Variants in WFIKKN2 observed in about 807,000 individuals in gnomAD.
The protein encoded by WFIKKN2 is WAP, Kazal, immunoglobulin, Kunitz and NTR domain-containing protein 2.
In WFIKKN2, 25 loss-of-function variants were observed where a neutral mutation model predicts 39.2. The observed-to-expected ratio is 0.64, with a 90% CI of 0.47 to 0.89. The LOEUF (loss-of-function observed/expected upper bound fraction) is 0.89. Ranked by LOEUF, WFIKKN2 falls within the 40% of genes least tolerant of loss-of-function variation. The pLI, the probability that WFIKKN2 is intolerant of heterozygous loss-of-function variation, is 0.00. For missense variants in WFIKKN2, 770 were observed against 811.7 expected (o/e 0.95, Z 0.62); for synonymous variants, 345 against 329.7 (o/e 1.05, Z -0.50).
At chr17:50,838,415 C>T (rs950694526) in intron 1 of WFIKKN2, among the ~76,000 whole-genome samples, 5 of 152,190 alleles carry the variant, frequency 3.3e-5, no homozygotes, top group Non-Finnish European at 5.9e-5. Context: ...GACAAGAGGC[C>T]AGCCCTAGTG....
chr17:50,840,816 C>T lies in WFIKKN2; in HGVS notation c.1528C>T (p.His510Tyr). Reference sequence around the variant, plus strand: ...GGAGCCATTGGAGGTCACTCTGCTTCACGTGGACTGGGCATGCCCCTGCCC... The same window carrying T: ...GGAGCCATTGGAGGTCACTCTGCTTTACGTGGACTGGGCATGCCCCTGCCC... ...GQEPLEVTLL[H>Y]VDWACPCPNV... The change falls in exon 2 of 2, where the codon CAC becomes TAC. Residue 510 changes from histidine (H) to tyrosine (Y), a missense_variant. Physicochemically the swap from His to Tyr is moderately conservative, Grantham distance 83 (BLOSUM62 2). Coordinates refer to ENST00000311378, the MANE Select transcript of WFIKKN2 (RefSeq NM_175575.6). The T allele has an allele frequency of 1.2e-6, 2 of 1,614,092 alleles. No homozygotes were observed. Among genetic ancestry groups the T allele is most frequent in the Non-Finnish European group, 1.7e-6 (2 of 1,180,012 alleles).
At chr17:50,835,570 T>G, upstream of WFIKKN2, 1 of 265,838 alleles carries the variant, frequency 3.8e-6, no homozygotes, top group Non-Finnish European at 7.0e-6. Flanking sequence ...AATAAGTCTG[T>G]GATCAGCCAC....
rs1310159656 is a variant in WFIKKN2, at chr17:50,840,689, C to T, written c.1401C>T (p.Gly467=). The change falls in exon 2 of 2, where the codon GGC becomes GGT. Residue 467 remains glycine, a synonymous_variant. Transcript: ENST00000311378. Reference sequence around the variant, plus strand: ...GTCGCAGCGACTTTGTCATCCTGGGCCGAGTCTCTGAGCTGACCGAGGAGC... The same window carrying T: ...GTCGCAGCGACTTTGTCATCCTGGGTCGAGTCTCTGAGCTGACCGAGGAGC... The part of the protein sequence containing the change: ...SFCRSDFVIL[G]RVSELTEEPD... 12 of 1,613,864 alleles carry T rather than the reference C, an allele frequency of 7.4e-6. No individual in the cohort carries two copies. Among genetic ancestry groups the T allele is most frequent in the Middle Eastern group, 1.7e-4 (1 of 5,958 alleles).
chr17:50,839,016 A>G (rs1039659117), intron 1 of WFIKKN2, among the ~76,000 whole-genome samples: 2 of 152,314 alleles, frequency 1.3e-5, no homozygotes, highest in Non-Finnish European at 2.9e-5. Context: ...ATGATGCAGG[A>G]GAAAAAACTC....
rs781561422 is a variant in WFIKKN2, at chr17:50,842,029, A to G, written c.*1010A>G. The G allele has an allele frequency of 2.0e-5, 3 of 151,290 alleles. No homozygotes were observed. The highest frequency in any genetic ancestry group is 2.9e-5 in the Non-Finnish European group (2 of 67,828). The allele number at this position is 151,290 out of a possible 1,614,324, so 9.4% of individuals were successfully genotyped here. ...AGGTGGCTGGAGAAGGAAAAGGAAC[A>G]TTGCTCGATGCTCCCATCTGGTGGC... On this transcript the variant is annotated 3_prime_UTR_variant, in exon 2 of 2. Coordinates refer to ENST00000311378, the MANE Select transcript of WFIKKN2 (RefSeq NM_175575.6).
At chr17:50,836,930 G>A (rs1971967685) in intron 1 of WFIKKN2, among the ~76,000 whole-genome samples, 1 of 152,198 alleles carries the variant, frequency 6.6e-6, no homozygotes. Context: ...CGTTCACCTG[G>A]AGAGAAACAG....
At chr17:50,834,643 CCT>C (rs1971933526), upstream of WFIKKN2, 1 of 152,240 alleles carries the variant, frequency 6.6e-6, no homozygotes, top group Non-Finnish European at 1.5e-5. Flanking sequence ...GGTTGCTTAG[CCT>C]CTCTGTGCGT....
upstream of WFIKKN2, chr17:50,834,666 G>A (rs1307633596): frequency 1.3e-5 from 2 of 152,244 alleles, no homozygotes; most frequent in Non-Finnish European, 2.9e-5. Flanking sequence ...CCTTTCCTCC[G>A]ATCTGAAATG....
Position 50,839,488 on chromosome 17 carries a change from G to T in WFIKKN2, c.211-11G>T. The T allele has an allele frequency of 6.2e-7, 1 of 1,605,852 alleles. No individual in the cohort carries two copies. Among genetic ancestry groups the T allele is most frequent in the Non-Finnish European group, 8.5e-7 (1 of 1,174,810 alleles). On this transcript the variant is annotated splice_polypyrimidine_tract_variant and intron_variant, in intron 1 of 1. Coordinates refer to ENST00000311378, the MANE Select transcript of WFIKKN2 (RefSeq NM_175575.6). ...TCTCCCTGTTCAGGCCACTCTCTCT[G>T]GCTCTTTCAGGAGTGTGAGACCTAT...
intron 1 of WFIKKN2, 59 bp downstream of exon 1, chr17:50,836,206 G>A: frequency 6.3e-7 from 1 of 1,578,210 alleles, no homozygotes; most frequent in Non-Finnish European, 8.6e-7. Flanking sequence ...ACGGGGGTGG[G>A]AGCCGTCGGG....
chr17:50,838,126 TC>T (rs1348222168), intron 1 of WFIKKN2, among the ~76,000 whole-genome samples: 2 of 152,110 alleles, frequency 1.3e-5, no homozygotes, highest in African/African-American at 4.8e-5. Flanking sequence ...GAGAAGGTTC[TC>T]CTGCTCCTAC....
At chr17:50,838,164 G>A (rs1971983332) in intron 1 of WFIKKN2, among the ~76,000 whole-genome samples, 1 of 152,090 alleles carries the variant, frequency 6.6e-6, no homozygotes, top group Non-Finnish European at 1.5e-5. Flanking sequence ...CATTCCCTGC[G>A]GGGTCTCTCT....
chr17:50,835,973 C>T lies in WFIKKN2; in HGVS notation c.36C>T (p.Arg12=), dbSNP rs1427043478. Residue 12 remains arginine, a synonymous_variant, in exon 1 of 2, where the codon CGC becomes CGT. Coordinates refer to ENST00000311378, the MANE Select transcript of WFIKKN2 (RefSeq NM_175575.6). The part of the protein sequence containing the change: ...WAPRCRRFWS[R]WEQVAALLLL... ...CAAGGTGTCGCCGGTTCTGGTCTCG[C>T]TGGGAGCAGGTGGCAGCGCTGCTGC... 1 of 1,609,980 alleles carries T rather than the reference C, an allele frequency of 6.2e-7. No homozygotes were observed. Among genetic ancestry groups the T allele is most frequent in the Non-Finnish European group, 8.5e-7 (1 of 1,178,552 alleles).
Position 50,841,098 on chromosome 17 carries a change from G to C in WFIKKN2, c.*79G>C. ...AATGCCTCTCAGCAAACTGGGCGAG[G>C]TCAGATTAGACAGGCTTGGGACAGC... is the stretch of plus-strand genomic sequence containing the variant. On this transcript the variant is annotated 3_prime_UTR_variant, in exon 2 of 2. Coordinates refer to ENST00000311378, the MANE Select transcript of WFIKKN2 (RefSeq NM_175575.6). 7.1e-7 allele frequency: 1 copy of C among 1,410,030 alleles called. No homozygotes were observed. The highest frequency in any genetic ancestry group is 9.5e-7 in the Non-Finnish European group (1 of 1,056,006). The allele number at this position is 1,410,030 out of a possible 1,614,324, so 87.3% of individuals were successfully genotyped here. A position where few individuals can be genotyped will look rare whatever the true frequency, so the allele number is the denominator to read the frequency against.
rs1567906287 is a variant in WFIKKN2 at position 50,835,934 on chromosome 17, C to T, written c.-4C>T. ...GGAGGTCTCTAGCCGCCCCAGCCTG[C>T]ACCATGTGGGCCCCAAGGTGTCGCC... On this transcript the variant is annotated 5_prime_UTR_variant, in exon 1 of 2. Coordinates refer to ENST00000311378, the MANE Select transcript of WFIKKN2 (RefSeq NM_175575.6). 1 of 1,610,400 alleles carries T rather than the reference C, an allele frequency of 6.2e-7. No homozygotes were observed. The highest frequency in any genetic ancestry group is 2.2e-5 in the East Asian group (1 of 44,778).
At position 50,836,119 on chromosome 17, in the gene WFIKKN2, C is replaced by A. The variant is rs767228750; in HGVS notation, c.182C>A (p.Thr61Asn). 2 of 1,613,388 alleles carry A rather than the reference C, an allele frequency of 1.2e-6. No individual in the cohort carries two copies. Among genetic ancestry groups the A allele is most frequent in the Middle Eastern group, 1.7e-4 (1 of 6,060 alleles). The part of the protein sequence containing the change: ...NPNLWVDAQS[T>N]CRRECETDQE... Reference sequence around the variant, plus strand: ...AACCTCTGGGTGGACGCACAGAGCACCTGCAGGCGGGAGTGTGAGACGGAC... The same window carrying A: ...AACCTCTGGGTGGACGCACAGAGCAACTGCAGGCGGGAGTGTGAGACGGAC... The change falls in exon 1 of 2, where the codon ACC (threonine) becomes AAC (asparagine). Residue 61 changes from threonine (T) to asparagine (N), a missense_variant. Physicochemically the swap from Thr to Asn is moderately conservative, Grantham distance 65 (BLOSUM62 0). Transcript: ENST00000311378.
At position 50,840,280 on chromosome 17, in the gene WFIKKN2, C is replaced by T. The variant is rs1423737669; in HGVS notation, c.992C>T (p.Pro331Leu). The change falls in exon 2 of 2, where the codon CCC becomes CTC. Residue 331 changes from proline to leucine, a missense_variant. Transcript: ENST00000311378. Reference protein sequence around the residue: ...TAFPAAECLKPPDSEDCGEEQ... With the variant: ...TAFPAAECLKLPDSEDCGEEQ... ...TTCCCGGCGGCCGAGTGCCTGAAGCCCCCAGACAGTGAGGACTGTGGCGAA... is the reference window on the plus strand; with the variant it reads ...TTCCCGGCGGCCGAGTGCCTGAAGCTCCCAGACAGTGAGGACTGTGGCGAA... The T allele has an allele frequency of 5.6e-6, 9 of 1,613,908 alleles. No homozygotes were observed. Among genetic ancestry groups the T allele is most frequent in the Non-Finnish European group, 7.6e-6 (9 of 1,179,972 alleles).
chr17:50,837,570 GTCTCCCAAGGCTCCAGA>G (rs1971975306), intron 1 of WFIKKN2, among the ~76,000 whole-genome samples: 1 of 152,216 alleles, frequency 6.6e-6, no homozygotes, highest in Non-Finnish European at 1.5e-5. Context: ...GCAGCACGGA[GTCTCCCAAGGCTCCAGA>G]TCCAGGCTGG....
At position 50,835,676 on chromosome 17, in the gene WFIKKN2, C is replaced by G; in HGVS notation, c.-262C>G. 2.0e-6 allele frequency: 1 copy of G among 493,874 alleles called. No homozygotes were observed. The highest frequency in any genetic ancestry group is 3.5e-6 in the Non-Finnish European group (1 of 281,902). 30.6% of individuals were successfully genotyped at this position (493,874 alleles called of 1,614,324 possible). Reference sequence around the variant, plus strand: ...CAGGATATAAATCCGGGCGCGGGCCCCTGCTGTGGCTCCTCTCCCTGCACA... The same window carrying G: ...CAGGATATAAATCCGGGCGCGGGCCGCTGCTGTGGCTCCTCTCCCTGCACA... On this transcript the variant is annotated 5_prime_UTR_variant, in exon 1 of 2. Coordinates refer to ENST00000311378, the MANE Select transcript of WFIKKN2 (RefSeq NM_175575.6).
Sources: allele counts gnomAD v4.1 joint callset (sites outside exome capture counted in the v4.1 genomes callset), GRCh38; gene constraint gnomAD v4.1.1; transcripts MANE v1.5; gene names NCBI Gene and HGNC (gene_info 2026-07-23, HGNC 2026-07-21).